BCCIP: variants seen among roughly 807,000 people sequenced by gnomAD.
BCCIP encodes the protein BRCA2 and CDKN1A-interacting protein.
BCCIP carries 23 observed loss-of-function variants against 32.8 expected under a neutral mutation model. That is an observed-to-expected ratio of 0.70 (90% CI 0.51 to 0.99). BCCIP has a LOEUF of 0.99. BCCIP is among the 50% of genes least tolerant of loss of function. The probability of loss-of-function intolerance (pLI) is 0.00; values close to 1 mark genes in which losing one functional copy is unlikely to be tolerated. For synonymous variants in BCCIP, 144 were observed against 137.6 expected (o/e 1.05, Z -0.33); for missense variants, 378 against 379.8 (o/e 1.00, Z 0.04).
At chr10:125,827,478 T>C in intron 2 of BCCIP, 80 bp from the exon 3 acceptor site, 1 of 978,966 alleles carries the variant, frequency 1.0e-6, no homozygotes, top group Non-Finnish European at 1.5e-6. Flanking sequence ...AATTTCATTG[T>C]TTGTATTTGA....
At chr10:125,826,481 G>A (rs1854391108) in intron 1 of BCCIP, 110 bp from the exon 2 acceptor site, 3 of 1,498,208 alleles carry the variant, frequency 2.0e-6, no homozygotes, top group Non-Finnish European at 2.7e-6. Context: ...GAAATAGTGT[G>A]AAGGTGCTTT....
intron 1 of BCCIP, chr10:125,826,054 T>C (rs1180059143): frequency 2.0e-5 from 3 of 153,278 alleles, no homozygotes; most frequent in Non-Finnish European, 4.4e-5. Flanking sequence ...TCTTATTTTT[T>C]AAGTTGTTAC....
rs1260908193 is a variant in BCCIP at position 125,852,527 on chromosome 10, G to C, written c.851-598G>C. On this transcript the variant is annotated intron_variant, in intron 7 of 7. Transcript: ENST00000368759. ...CAAGAATTGACAACATTTAGTATTT[G>C]TGTCCACAGCACTACCTGAAGAAGA... 4.2e-5 allele frequency: 67 copies of C among 1,613,044 alleles called. No individual in the cohort carries two copies. Among genetic ancestry groups the C allele is most frequent in the Non-Finnish European group, 5.6e-5 (66 of 1,179,510 alleles).
intron 7 of BCCIP, among the ~76,000 whole-genome samples, chr10:125,850,882 T>C (rs1944081842): frequency 1.3e-5 from 2 of 152,228 alleles, no homozygotes; most frequent in African/African-American, 4.8e-5. Context: ...CAAATTTCTA[T>C]CTAGGTACCA....
Position 125,831,720 on chromosome 10 carries a change from G to A in BCCIP, c.599+113G>A, listed in dbSNP as rs1854524701. On this transcript the variant is annotated intron_variant, in intron 5 of 6. Coordinates refer to ENST00000278100, the MANE Select transcript of BCCIP (RefSeq NM_078468.3). ...AGAAAGAGTTCTGTCCTTGGTTTAA[G>A]TGGGTTTAGTGTGAGGGGAGTGGAA... 5 of 1,049,048 alleles carry A rather than the reference G, an allele frequency of 4.8e-6. No individual in the cohort carries two copies. In the East Asian group the frequency reaches 1.3e-4, roughly 27 times the overall value. 65.0% of individuals were successfully genotyped at this position (1,049,048 alleles called of 1,614,324 possible). A position where few individuals can be genotyped will look rare whatever the true frequency, so the allele number is the denominator to read the frequency against.
chr10:125,841,884 G>A, exon 7 of BCCIP: 1 of 1,611,088 alleles, frequency 6.2e-7, no homozygotes, highest in Non-Finnish European at 8.5e-7. Flanking sequence ...TCATTATCCA[G>A]TGCTGCCAGA....
chr10:125,841,638 A>G (rs1255030014), exon 7 of BCCIP: 2 of 1,497,692 alleles, frequency 1.3e-6, no homozygotes, highest in Non-Finnish European at 1.8e-6. Context: ...GTTGATCACT[A>G]TCTCTGCTCT....
intron 7 of BCCIP, among the ~76,000 whole-genome samples, chr10:125,851,818 A>C (rs1379080955): frequency 6.6e-6 from 1 of 151,002 alleles, no homozygotes; most frequent in African/African-American, 2.4e-5. Flanking sequence ...CTATTTGGGA[A>C]GCTGTGGTGG....
chr10:125,827,973 A>G (rs1001223011), intron 3 of BCCIP, among the ~76,000 whole-genome samples: 5 of 151,204 alleles, frequency 3.3e-5, no homozygotes, highest in African/African-American at 1.2e-4. Flanking sequence ...ATCTGAAAAA[A>G]AAAAAAAAAA....
At chr10:125,839,031 C>T (rs1174655854), downstream of BCCIP, 2 of 1,614,098 alleles carry the variant, frequency 1.2e-6, no homozygotes, top group Non-Finnish European at 1.7e-6. Flanking sequence ...GAAGAGCTTT[C>T]TTTATGTTTA....
chr10:125,836,249 A>G lies in BCCIP; in HGVS notation c.920A>G (p.Lys307Arg). 6.2e-7 allele frequency: 1 copy of G among 1,614,226 alleles called. No homozygotes were observed. Residue 307 changes from lysine (K) to arginine (R), a missense_variant, in exon 7 of 7, where the codon AAA (lysine) becomes AGA (arginine). Lys to Arg is a conservative substitution (Grantham distance 26, BLOSUM62 2). Transcript: ENST00000278100. ...PGDKMNEIMD[K>R]LKEYLSV is the part of the protein sequence containing the mutation. ...GACAAGATGAACGAAATCATGGATA[A>G]ACTGAAAGAATATCTATCTGTCTAA...
At chr10:125,831,724 GT>G in intron 5 of BCCIP, 117 bp downstream of exon 5, 1 of 1,027,840 alleles carries the variant, frequency 9.7e-7, no homozygotes, top group Non-Finnish European at 1.4e-6. Flanking sequence ...GTTTAAGTGG[GT>G]TTAGTGTGAG....
chr10:125,853,176 T>C, exon 8 of BCCIP: 1 of 1,613,438 alleles, frequency 6.2e-7, no homozygotes, highest in South Asian at 1.1e-5. Context: ...GCTGGACTAA[T>C]TCAATCAAGA....
chr10:125,850,476 G>C (rs1944076584), intron 7 of BCCIP, among the ~76,000 whole-genome samples: 1 of 150,316 alleles, frequency 6.7e-6, no homozygotes, highest in Non-Finnish European at 1.5e-5. Flanking sequence ...TCCTGCCTCA[G>C]CCTCCCAAGT....
chr10:125,837,000 A>T, downstream of BCCIP: 1 of 685,300 alleles, frequency 1.5e-6, no homozygotes, highest in Non-Finnish European at 2.4e-6. Context: ...TCTCAGTCCG[A>T]CTTTGTAAAA....
chr10:125,841,923 A>C, exon 7 of BCCIP: 1 of 1,592,886 alleles, frequency 6.3e-7, no homozygotes, highest in Non-Finnish European at 8.5e-7. Context: ...GCCTGCATCA[A>C]ACTTTCTGGT....
At position 125,836,539 on chromosome 10, in the gene BCCIP, T is replaced by C. The variant is rs1854691177; in HGVS notation, c.*265T>C. On this transcript the variant is annotated 3_prime_UTR_variant, in exon 7 of 7. Transcript: ENST00000278100. ...GAACTCAATAAAAACTTCTATTTTT[T>C]ATTTTAAAATAATATACACAGTGTT... 1.5e-6 allele frequency: 2 copies of C among 1,332,962 alleles called. No individual in the cohort carries two copies. The highest frequency in any genetic ancestry group is 3.0e-5 in the African/African-American group (2 of 67,556). 82.6% of individuals were successfully genotyped at this position (1,332,962 alleles called of 1,614,324 possible).
In BCCIP at chr10:125,833,783, CG is replaced by C. The variant is rs1854580686; in HGVS notation, c.616del (p.Ala206HisfsTer16). The C allele has an allele frequency of 6.2e-7, 1 of 1,613,828 alleles. No individual in the cohort carries two copies. ...TGTGTGCCTTGCAGGAAAGAACTGGCGGGGGCACACAGAACCAATAAGCCAT... is the reference window on the plus strand; with the variant it reads ...TGTGTGCCTTGCAGGAAAGAACTGGCGGGGCACACAGAACCAATAAGCCAT... ...PMYQQLQKEL[A>X]GAHRTNKPCG... On this transcript the variant is annotated frameshift_variant, in exon 6 of 7. Transcript: ENST00000278100. LOFTEE classifies it high-confidence loss of function.
chr10:125,840,912 TCTC>T (rs866723367), downstream of BCCIP: 7 of 1,612,252 alleles, frequency 4.3e-6, no homozygotes, highest in Non-Finnish European at 5.9e-6. Context: ...GGTAAAGTGA[TCTC>T]CTTCGGGATG....
Sources: gnomAD v4.1 joint callset for allele counts (sites outside exome capture counted in the v4.1 genomes callset) on GRCh38, gnomAD v4.1.1 for gene constraint, MANE v1.5 for transcripts, NCBI Gene and HGNC (gene_info 2026-07-23, HGNC 2026-07-21) for gene names.